Variants in FAT1 observed in about 807,000 individuals in gnomAD.
The protein encoded by FAT1 is FAT atypical cadherin 1.
A neutral mutation model predicts 329.8 loss-of-function variants in FAT1; 171 were observed. The observed-to-expected ratio is 0.52, with a 90% CI of 0.46 to 0.59. The LOEUF (loss-of-function observed/expected upper bound fraction) is 0.59. Ranked by LOEUF, FAT1 falls within the 20% of genes least tolerant of loss-of-function variation. The probability of loss-of-function intolerance (pLI) is 0.00; values close to 1 mark genes in which losing one functional copy is unlikely to be tolerated. For synonymous variants in FAT1, 2,233 were observed against 2,228.6 expected (o/e 1.00, Z -0.06); for missense variants, 5,672 against 5,774.4 (o/e 0.98, Z 0.57).
intron 2 of FAT1, among the ~76,000 whole-genome samples, chr4:186,695,841 A>C (rs907988): frequency 0.012 from 1,791 of 151,534 alleles, 39 homozygotes; most frequent in African/African-American, 0.042. Context: ...CCCCAGGCTG[A>C]AGGGCAGTGG....
At position 186,709,421 on chromosome 4, in the gene FAT1, C is replaced by T. The variant is rs746865704; in HGVS notation, c.407G>A (p.Arg136Lys). The T allele has an allele frequency of 6.2e-7, 1 of 1,613,946 alleles. No individual in the cohort carries two copies. Among genetic ancestry groups the T allele is most frequent in the South Asian group, 1.1e-5 (1 of 91,080 alleles). ...GTCATTTGTATCCAGCACCTGCACC[C>T]TGACCTTTGTTCGCGCCTCCACATT... ...NTNVEARTKVRVQVLDTNDLR... is the reference protein window; with the variant it reads ...NTNVEARTKVKVQVLDTNDLR... The change falls in exon 2 of 27, where the codon AGG (arginine) becomes AAG (lysine). Residue 136 changes from arginine (R) to lysine (K), a missense_variant. Arg to Lys is a conservative substitution (Grantham distance 26). Coordinates refer to ENST00000441802, the MANE Select transcript of FAT1 (RefSeq NM_005245.4).
intron 9 of FAT1, among the ~76,000 whole-genome samples, chr4:186,625,474 T>G (rs1379656974): frequency 6.6e-6 from 1 of 152,122 alleles, no homozygotes; most frequent in Non-Finnish European, 1.5e-5. Flanking sequence ...CATCAGTAAG[T>G]TTTTTAAAAT....
chr4:186,661,576 G>A (rs948604962), intron 3 of FAT1, among the ~76,000 whole-genome samples: 6 of 152,198 alleles, frequency 3.9e-5, no homozygotes, highest in African/African-American at 1.4e-4. Flanking sequence ...TGACTCTACC[G>A]GGACAGAAAT....
Position 186,595,769 on chromosome 4 carries a change from G to C in FAT1, c.13058C>G (p.Ser4353Cys), listed in dbSNP as rs1023998325. The change falls in exon 26 of 27, where the codon TCC becomes TGC. Residue 4353 changes from serine to cysteine, a missense_variant. Ser to Cys is a moderately radical substitution (Grantham distance 112). Transcript: ENST00000441802. ...LSKKPLEEKP[S>C]QPYSARESLS... ...GCTTTCCCGGGCACTGTATGGCTGG[G>C]AAGGCTTTTCCTCTAGAGGCTTCTT... is the stretch of plus-strand genomic sequence containing the variant. 5.6e-6 allele frequency: 9 copies of C among 1,613,844 alleles called. No individual in the cohort carries two copies. The highest frequency in any genetic ancestry group is 1.1e-5 in the South Asian group (1 of 91,074).
intron 3 of FAT1, among the ~76,000 whole-genome samples, chr4:186,656,938 T>C (rs1741930303): frequency 6.6e-6 from 1 of 152,050 alleles, no homozygotes; most frequent in South Asian, 2.1e-4. Context: ...ACCTTCCACT[T>C]CTAGTAAGGG....
In FAT1 at chr4:186,595,760, T is replaced by C. The variant is rs777461585; in HGVS notation, c.13067A>G (p.Tyr4356Cys). The change falls in exon 26 of 27, where the codon TAC (tyrosine) becomes TGC (cysteine). Residue 4356 changes from tyrosine to cysteine, a missense_variant. Coordinates refer to ENST00000441802, the MANE Select transcript of FAT1 (RefSeq NM_005245.4). Reference sequence around the variant, plus strand: ...TTCAGACAGGCTTTCCCGGGCACTGTATGGCTGGGAAGGCTTTTCCTCTAG... The same window carrying C: ...TTCAGACAGGCTTTCCCGGGCACTGCATGGCTGGGAAGGCTTTTCCTCTAG... ...KPLEEKPSQP[Y>C]SARESLSEVQ... is the part of the protein sequence containing the mutation. The C allele has an allele frequency of 2.5e-6, 4 of 1,613,892 alleles. No individual in the cohort carries two copies. The South Asian group carries it at 4.4e-5, about 18-fold the overall frequency.
At position 186,611,737 on chromosome 4, in the gene FAT1, C is replaced by T. The variant is rs2126470158; in HGVS notation, c.9502G>A (p.Ala3168Thr). Reference sequence around the variant, plus strand: ...TCGTTAATGGAGAACTGCCCATCAGCAGAGTCAATCAGTGAGTATAAAATC... The same window carrying T: ...TCGTTAATGGAGAACTGCCCATCAGTAGAGTCAATCAGTGAGTATAAAATC... ...RKILYSLIDSADGQFSINELS... is the reference protein window; with the variant it reads ...RKILYSLIDSTDGQFSINELS... Residue 3168 changes from alanine to threonine, a missense_variant, in exon 14 of 27, where the codon GCT becomes ACT. By Grantham distance (58) the Ala-to-Thr change is moderately conservative (BLOSUM62 0). Around this residue, in one of 2 missense-constraint regions of FAT1, gnomAD observed 1,706 missense variants for 1,859.1 expected, o/e 0.92. Transcript: ENST00000441802. 6.3e-7 allele frequency: 1 copy of T among 1,584,502 alleles called. No individual in the cohort carries two copies. Among genetic ancestry groups the T allele is most frequent in the African/African-American group, 1.3e-5 (1 of 74,328 alleles).
At chr4:186,699,979 G>A (rs1744223920) in intron 2 of FAT1, among the ~76,000 whole-genome samples, 2 of 152,154 alleles carry the variant, frequency 1.3e-5, no homozygotes, top group South Asian at 2.1e-4. Context: ...AACAAATTAC[G>A]AACACCCAAT....
Position 186,597,125 on chromosome 4 carries a change from C to T in FAT1, c.12415G>A (p.Gly4139Arg), listed in dbSNP as rs779582047. ...CCGTGCGTGTTCTCACAGAGGGCCC[C>T]GTGCAGGCAAGGGTTTCCAGAGCAC... ...DECSGNPCLH[G>R]ALCENTHGSY... Residue 4139 changes from glycine (G) to arginine (R), a missense_variant, in exon 25 of 27, where the codon GGG (glycine) becomes AGG (arginine). Transcript: ENST00000441802. The T allele has an allele frequency of 2.0e-5, 32 of 1,613,516 alleles. No individual in the cohort carries two copies. The highest frequency in any genetic ancestry group is 2.4e-5 in the Non-Finnish European group (28 of 1,179,760).
upstream of FAT1, chr4:186,723,892 C>CCGCCGGCGCCGG (rs1457772146): frequency 6.6e-6 from 1 of 150,546 alleles, no homozygotes; most frequent in African/African-American, 2.4e-5. Flanking sequence ...CCGGCCCCGC[C>CCGCCGGCGCCGG]CGCCGGCGCC....
intron 7 of FAT1, 95 bp from the exon 8 acceptor site, chr4:186,628,858 G>A (rs576778384): frequency 2.8e-5 from 34 of 1,210,330 alleles, no homozygotes; most frequent in Non-Finnish European, 3.4e-5. Flanking sequence ...ATATTGAAAC[G>A]ATACTGTGGC....
chr4:186,604,043 C>T (rs1378404313), intron 18 of FAT1, 66 bp from the exon 19 acceptor site: 1 of 1,266,100 alleles, frequency 7.9e-7, no homozygotes, highest in Non-Finnish European at 1.1e-6. Flanking sequence ...TCAATAAAAA[C>T]ATTTGTATTA....
At chr4:186,665,473 G>T (rs1056163743) in intron 2 of FAT1, among the ~76,000 whole-genome samples, 17 of 152,120 alleles carry the variant, frequency 1.1e-4, no homozygotes, top group African/African-American at 3.6e-4. Context: ...TCATGTGTCT[G>T]TTGGCTGCAT....
At chr4:186,589,286 C>G in intron 26 of FAT1, 66 bp from the exon 27 acceptor site, 1 of 1,497,508 alleles carries the variant, frequency 6.7e-7, no homozygotes, top group Non-Finnish European at 8.9e-7. Flanking sequence ...GGAAAGAGAG[C>G]TCAGTGTATC....
chr4:186,711,515 A>C (rs1744950797), intron 1 of FAT1, among the ~76,000 whole-genome samples: 1 of 152,238 alleles, frequency 6.6e-6, no homozygotes, highest in Admixed American at 6.5e-5. Flanking sequence ...ACAAATAAAA[A>C]GTTCAACCTA....
rs2126686030 is a variant in FAT1, at chr4:186,707,145, T to A, written c.2683A>T (p.Ile895Phe). ...RELQHEHSLK[I>F]EARDQAREEP... ...TCTCTGGCTTGGTCCCTGGCCTCAA[T>A]CTTTAAGGAGTGCTCATGCTGCAGC... Residue 895 changes from isoleucine (I) to phenylalanine (F), a missense_variant, in exon 2 of 27, where the codon ATT (isoleucine) becomes TTT (phenylalanine). This residue lies in a region of FAT1 where 3,966 missense variants were observed against 3,915.2 expected (regional missense o/e 1.01). Coordinates refer to ENST00000441802, the MANE Select transcript of FAT1 (RefSeq NM_005245.4). 2 of 1,613,916 alleles carry A rather than the reference T, an allele frequency of 1.2e-6. No individual in the cohort carries two copies. The highest frequency in any genetic ancestry group is 1.7e-6 in the Non-Finnish European group (2 of 1,179,866).
chr4:186,617,922 A>C lies in FAT1; in HGVS notation c.8664T>G (p.Val2888=). The C allele has an allele frequency of 6.2e-7, 1 of 1,614,010 alleles. No homozygotes were observed. Among genetic ancestry groups the C allele is most frequent in the South Asian group, 1.1e-5 (1 of 91,080 alleles). The part of the protein sequence containing the change: ...EKRDNYQIKV[V]ASDHGEKIQL... Reference sequence around the variant, plus strand: ...GGATCTTTTCACCATGATCTGATGCAACCACTTTAATCTGGTAATTGTCTC... The same window carrying C: ...GGATCTTTTCACCATGATCTGATGCCACCACTTTAATCTGGTAATTGTCTC... The change falls in exon 10 of 27, where the codon GTT becomes GTG. Residue 2888 remains valine, a synonymous_variant. Transcript: ENST00000441802.
intron 2 of FAT1, among the ~76,000 whole-genome samples, chr4:186,676,771 A>G (rs1306525126): frequency 6.6e-6 from 1 of 152,204 alleles, no homozygotes; most frequent in Non-Finnish European, 1.5e-5. Context: ...CTGGAGTCCT[A>G]GAATGCACAC....
rs1326785216 is a variant in FAT1 at position 186,663,263 on chromosome 4, A to G, written c.3580+36T>C. 3 of 1,475,202 alleles carry G rather than the reference A, an allele frequency of 2.0e-6. No individual in the cohort carries two copies. The East Asian group carries it at 7.0e-5, about 34-fold the overall frequency. 91.4% of individuals were successfully genotyped at this position (1,475,202 alleles called of 1,614,324 possible). ...CTTTTCCCCCTAACAGAAAAGCATAAGCATAAACATTTCCTATAGCAGTAT... is the reference window on the plus strand; with the variant it reads ...CTTTTCCCCCTAACAGAAAAGCATAGGCATAAACATTTCCTATAGCAGTAT... On this transcript the variant is annotated intron_variant, in intron 3 of 26. Coordinates refer to ENST00000441802, the MANE Select transcript of FAT1 (RefSeq NM_005245.4).
Sources: gnomAD v4.1 joint callset for allele counts (sites outside exome capture counted in the v4.1 genomes callset) on GRCh38, gnomAD v4.1.1 for gene constraint, gnomAD v4.1.1 regional missense constraint, MANE v1.5 for transcripts, NCBI Gene and HGNC (gene_info 2026-07-23, HGNC 2026-07-21) for gene names.